FGFR3: variants seen among roughly 807,000 people sequenced by gnomAD.
The protein encoded by FGFR3 is FGFR-3.
In FGFR3, 25 loss-of-function variants were observed where a neutral mutation model predicts 82.9. The ratio of observed to expected loss-of-function variants is 0.30; its 90% CI spans 0.22 to 0.42. The LOEUF (loss-of-function observed/expected upper bound fraction) is 0.42. FGFR3 is among the 10% of genes least tolerant of loss of function. The probability of loss-of-function intolerance (pLI) is 1.00; values close to 1 mark genes in which losing one functional copy is unlikely to be tolerated. For missense variants in FGFR3, 1,026 were observed against 1,161.0 expected (o/e 0.88, Z 1.69); for synonymous variants, 620 against 516.0 (o/e 1.20, Z -2.73).
Position 1,799,780 on chromosome 4 carries a change from A to C in FGFR3, c.413A>C (p.Glu138Ala). ...TCCTCGGGAGATGACGAAGACGGGG[A>C]GGACGAGGCTGAGGACACAGGTGTG... is the stretch of plus-strand genomic sequence containing the variant. ...APSSGDDEDG[E>A]DEAEDTGVDT... is the part of the protein sequence containing the mutation. The change falls in exon 4 of 18, where the codon GAG becomes GCG. Residue 138 changes from glutamate to alanine, a missense_variant. Transcript: ENST00000440486. The C allele has an allele frequency of 6.2e-7, 1 of 1,612,954 alleles. No homozygotes were observed. Among genetic ancestry groups the C allele is most frequent in the Non-Finnish European group, 8.5e-7 (1 of 1,179,930 alleles).
intron 3 of FGFR3, 84 bp from the exon 4 acceptor site, chr4:1,799,663 G>A: frequency 6.3e-7 from 1 of 1,580,272 alleles, no homozygotes. Flanking sequence ...TGCCCAAATG[G>A]GGGACCCTGC....
chr4:1,801,427 C>T lies in FGFR3; in HGVS notation c.506C>T (p.Ala169Val). The change falls in exon 5 of 18, where the codon GCC becomes GTC. Residue 169 changes from alanine (A) to valine (V), a missense_variant. By Grantham distance (64) the Ala-to-Val change is moderately conservative. This residue lies in a region of FGFR3 where 147 missense variants were observed against 228.1 expected (regional missense o/e 0.64). Transcript: ENST00000440486. Reference protein sequence around the residue: ...MDKKLLAVPAANTVRFRCPAA... With the variant: ...MDKKLLAVPAVNTVRFRCPAA... ...AAGAAGCTGCTGGCCGTGCCGGCCG[C>T]CAACACCGTCCGCTTCCGCTGCCCA... 1 of 1,552,682 alleles carries T rather than the reference C, an allele frequency of 6.4e-7. No individual in the cohort carries two copies. Among genetic ancestry groups the T allele is most frequent in the South Asian group, 1.2e-5 (1 of 84,334 alleles).
chr4:1,802,063 C>G (rs375804358), intron 7 of FGFR3, 38 bp downstream of exon 7: 3 of 1,591,574 alleles, frequency 1.9e-6, no homozygotes, highest in Non-Finnish European at 2.6e-6. Context: ...GCCGCTGGGG[C>G]TCCTGGGCTG....
Position 1,801,729 on chromosome 4 carries a change from C to T in FGFR3, c.725C>T (p.Thr242Met), listed in dbSNP as rs150916178. ...NKFGSIRQTY[T>M]LDVLERSPHR... The stretch of plus-strand genomic sequence containing the variant: ...TTTGGCAGCATCCGGCAGACGTACA[C>T]GCTGGACGTGCTGGGTGAGGGCCCT... Residue 242 changes from threonine (T) to methionine (M), a missense_variant, in exon 6 of 18, where the codon ACG becomes ATG. Thr to Met is a moderately conservative substitution (Grantham distance 81, BLOSUM62 -1). This residue lies in a region of FGFR3 where 147 missense variants were observed against 228.1 expected (regional missense o/e 0.64). Coordinates refer to ENST00000440486, the MANE Select transcript of FGFR3 (RefSeq NM_000142.5). The T allele has an allele frequency of 7.9e-5, 127 of 1,606,538 alleles. 1 individual carries two copies. The highest frequency in any genetic ancestry group is 6.9e-4 in the South Asian group (62 of 90,330).
chr4:1,805,726 C>T lies in FGFR3; in HGVS notation c.1646-24C>T, dbSNP rs202246266. 62 of 1,611,826 alleles carry T rather than the reference C, an allele frequency of 3.8e-5. 1 individual carries two copies. The East Asian group carries it at 5.4e-4, about 14-fold the overall frequency. On this transcript the variant is annotated intron_variant, in intron 12 of 17. Coordinates refer to ENST00000440486, the MANE Select transcript of FGFR3 (RefSeq NM_000142.5). ...GGCGGCCCTCCTGGGCCTGGCAGCC[C>T]GTCTGAGGAGCCCGTGTCCCCAGGG...
chr4:1,806,201 G>T, intron 14 of FGFR3, 28 bp downstream of exon 14: 1 of 1,612,146 alleles, frequency 6.2e-7, no homozygotes, highest in Non-Finnish European at 8.5e-7. Context: ...GTGCGGGGGT[G>T]GGGGTCATGC....
intron 2 of FGFR3, 117 bp downstream of exon 2, chr4:1,794,160 G>T: frequency 2.0e-6 from 1 of 489,914 alleles, no homozygotes; most frequent in Non-Finnish European, 3.3e-6. Context: ...CCCGGGGTTA[G>T]AGCCCGGATT....
Position 1,805,417 on chromosome 4 carries a change from T to A in FGFR3, c.1475T>A (p.Ile492Asn), listed in dbSNP as rs2108802277. ...GGCCAGGTGGTCATGGCGGAGGCCA[T>A]CGGCATTGACAAGGACCGGGCCGCC... ...CFGQVVMAEA[I>N]GIDKDRAAKP... Residue 492 changes from isoleucine (I) to asparagine (N), a missense_variant, in exon 11 of 18, where the codon ATC becomes AAC. By Grantham distance (149) the Ile-to-Asn change is moderately radical (BLOSUM62 -3). Transcript: ENST00000440486. 1 of 1,612,370 alleles carries A rather than the reference T, an allele frequency of 6.2e-7. No individual in the cohort carries two copies. The highest frequency in any genetic ancestry group is 1.7e-5 in the Admixed American group (1 of 59,998).
intron 7 of FGFR3, chr4:1,802,967 G>T (rs1324837389): frequency 1.9e-6 from 3 of 1,602,542 alleles, no homozygotes. Context: ...TGGCCAATGT[G>T]TCGGAGCGGG....
intron 2 of FGFR3, among the ~76,000 whole-genome samples, chr4:1,797,712 C>T (rs188193802): frequency 5.9e-5 from 9 of 152,312 alleles, no homozygotes; most frequent in African/African-American, 2.2e-4. Flanking sequence ...AGGCCAGGAG[C>T]CCCCCTGACT....
rs1721569907 is a variant in FGFR3 at position 1,804,241 on chromosome 4, G to C, written c.1076-89G>C. On this transcript the variant is annotated intron_variant, in intron 8 of 17. Coordinates refer to ENST00000440486, the MANE Select transcript of FGFR3 (RefSeq NM_000142.5). ...GGTTCTGAGCCCCCTTCCGCTCCCA[G>C]TGGTGCCTGCGGCTCTGGGCCAGGG... 6 of 1,450,602 alleles carry C rather than the reference G, an allele frequency of 4.1e-6. No homozygotes were observed. The Admixed American group carries it at 1.1e-4, about 27-fold the overall frequency. 89.9% of individuals were successfully genotyped at this position (1,450,602 alleles called of 1,614,324 possible).
At position 1,794,878 on chromosome 4, in the gene FGFR3, T is replaced by TGGCCCGGTGAGCTCGCGCCC. The variant is rs1720290518; in HGVS notation, c.109+836_109+855dup. Reference sequence around the variant, plus strand: ...CCGGCGGCCGCGCGGAGGGAGGCCTTGGCCCGGTGAGCTCGCGCCCCACCC... The same window carrying TGGCCCGGTGAGCTCGCGCCC: ...CCGGCGGCCGCGCGGAGGGAGGCCTTGGCCCGGTGAGCTCGCGCCCGGCCCGGTGAGCTCGCGCCCCACCC... On this transcript the variant is annotated intron_variant, in intron 2 of 17. Transcript: ENST00000440486. Among the ~76,000 whole-genome samples, 3 of 151,618 alleles carry TGGCCCGGTGAGCTCGCGCCC rather than the reference T, an allele frequency of 2.0e-5. No individual in the cohort carries two copies. The East Asian group carries it at 5.8e-4, about 30-fold the overall frequency.
intron 15 of FGFR3, 44 bp downstream of exon 15, chr4:1,806,371 ACTGGGCAGAGCCAGGACCCCAGCTG>A: frequency 6.2e-7 from 1 of 1,610,400 alleles, no homozygotes; most frequent in Non-Finnish European, 8.5e-7. Context: ...GGAGGCGGGA[ACTGGGCAGAGCCAGGACCCCAGCTG>A]CAGTCCCCAG....
In FGFR3 at chr4:1,803,755, G is replaced by C; in HGVS notation, c.994G>C (p.Glu332Gln). 6.2e-7 allele frequency: 1 copy of C among 1,614,076 alleles called. No individual in the cohort carries two copies. Among genetic ancestry groups the C allele is most frequent in the East Asian group, 2.2e-5 (1 of 44,876 alleles). ...TCTCTCCTTGCACAACGTCACCTTT[G>C]AGGACGCCGGGGAGTACACCTGCCT... ...EVLSLHNVTF[E>Q]DAGEYTCLAG... Residue 332 changes from glutamate to glutamine, a missense_variant, in exon 8 of 18, where the codon GAG (glutamate) becomes CAG (glutamine). This residue lies in a region of FGFR3 where 256 missense variants were observed against 217.6 expected (regional missense o/e 1.18). Transcript: ENST00000440486.
At chr4:1,798,104 C>A (rs1394661142) in intron 2 of FGFR3, among the ~76,000 whole-genome samples, 3 of 152,068 alleles carry the variant, frequency 2.0e-5, no homozygotes, top group Non-Finnish European at 4.4e-5. Context: ...GCGATTGTCC[C>A]CCCAGCCCTG....
At position 1,805,337 on chromosome 4, in the gene FGFR3, C is replaced by G. The variant is rs765363154; in HGVS notation, c.1413-18C>G. 8 of 1,610,196 alleles carry G rather than the reference C, an allele frequency of 5.0e-6. No individual in the cohort carries two copies. The highest frequency in any genetic ancestry group is 2.2e-5 in the South Asian group (2 of 90,998). The stretch of plus-strand genomic sequence containing the variant: ...GGGCGAGTTTGCACACTCATGGTCC[C>G]TCTGCCTCCACTGCCAGGCTGACCC... On this transcript the variant is annotated intron_variant, in intron 10 of 17. Transcript: ENST00000440486.
chr4:1,803,189 C>A, intron 7 of FGFR3: 1 of 1,195,346 alleles, frequency 8.4e-7, no homozygotes, highest in Non-Finnish European at 1.1e-6. Context: ...CCACTCGGGG[C>A]CGCCTCGGCA....
intron 7 of FGFR3, chr4:1,803,135 G>A (rs1023371329): frequency 3.5e-5 from 49 of 1,413,610 alleles, no homozygotes; most frequent in Admixed American, 1.6e-4. Context: ...CGCCCTGCAC[G>A]CCCCGCACGC....
rs199944818 is a variant in FGFR3 at position 1,801,717 on chromosome 4, G to T, written c.713G>T (p.Arg238Leu). 1.9e-6 allele frequency: 3 copies of T among 1,609,002 alleles called. No individual in the cohort carries two copies. The highest frequency in any genetic ancestry group is 2.5e-6 in the Non-Finnish European group (3 of 1,178,718). The change falls in exon 6 of 18, where the codon CGG becomes CTG. Residue 238 changes from arginine (R) to leucine (L), a missense_variant. Coordinates refer to ENST00000440486, the MANE Select transcript of FGFR3 (RefSeq NM_000142.5). ...CVVENKFGSI[R>L]QTYTLDVLER... ...GTGGAGAACAAGTTTGGCAGCATCC[G>T]GCAGACGTACACGCTGGACGTGCTG...
Sources: allele counts gnomAD v4.1 joint callset (sites outside exome capture counted in the v4.1 genomes callset), GRCh38; gene constraint gnomAD v4.1.1; regional missense constraint gnomAD v4.1.1; transcripts MANE v1.5; gene names NCBI Gene and HGNC (gene_info 2026-07-23, HGNC 2026-07-21).